The following SLC9A9 variants were observed in gnomAD, a reference collection of about 807,000 sequenced individuals.
The protein encoded by SLC9A9 is solute carrier family 9 member A9, also known as sodium/hydrogen exchanger 9.
A neutral mutation model predicts 77.8 loss-of-function variants in SLC9A9; 62 were observed. The observed-to-expected ratio is 0.80, with a 90% CI of 0.65 to 0.98. The LOEUF is 0.98. SLC9A9 is among the 50% of genes least tolerant of loss of function. The probability of loss-of-function intolerance (pLI) is 0.00; values close to 1 mark genes in which losing one functional copy is unlikely to be tolerated. For missense variants in SLC9A9, 775 were observed against 774.9 expected (o/e 1.00, Z 0.00); for synonymous variants, 320 against 283.5 (o/e 1.13, Z -1.29).
chr3:143,456,759 T>G (rs1400340047), intron 12 of SLC9A9, among the ~76,000 whole-genome samples: 1 of 151,912 alleles, frequency 6.6e-6, no homozygotes. Flanking sequence ...GAGACGGAGT[T>G]TCACCATCTT....
intron 12 of SLC9A9, among the ~76,000 whole-genome samples, chr3:143,417,610 T>A (rs1245063924): frequency 6.6e-6 from 1 of 151,624 alleles, no homozygotes; most frequent in Admixed American, 6.6e-5. Flanking sequence ...TCTCTCCACA[T>A]GGAAGCACCA....
At chr3:143,293,680 C>A (rs2030118607) in intron 14 of SLC9A9, among the ~76,000 whole-genome samples, 1 of 152,176 alleles carries the variant, frequency 6.6e-6, no homozygotes, top group African/African-American at 2.4e-5. Context: ...TACTGTCAAT[C>A]ACAGCTTATC....
Position 143,668,551 on chromosome 3 carries a change from A to C in SLC9A9, c.650-16191T>G, listed in dbSNP as rs376386571. Among the ~76,000 whole-genome samples the C allele has an allele frequency of 4.6e-5, 7 of 152,106 alleles. No homozygotes were observed. In the East Asian group the frequency reaches 1.2e-3, roughly 25 times the overall value. ...ACCTCCCAATAAATAGCCTATAAAC[A>C]CTTTCACTTCCTTTTTTGAATAGAA... On this transcript the variant is annotated intron_variant, in intron 5 of 15. Transcript: ENST00000316549.
intron 8 of SLC9A9, among the ~76,000 whole-genome samples, chr3:143,554,913 C>A (rs929441501): frequency 8.5e-5 from 13 of 152,198 alleles, no homozygotes; most frequent in African/African-American, 3.1e-4. Context: ...CCACTCTGTA[C>A]AAATTGTTCA....
intron 4 of SLC9A9, among the ~76,000 whole-genome samples, chr3:143,742,539 T>C (rs548776915): frequency 1.3e-5 from 2 of 152,264 alleles, no homozygotes; most frequent in South Asian, 2.1e-4. Context: ...ATCTGACCAG[T>C]AGTCCTAAAA....
At chr3:143,807,031 C>A (rs1337343990) in intron 2 of SLC9A9, among the ~76,000 whole-genome samples, 2 of 152,116 alleles carry the variant, frequency 1.3e-5, no homozygotes, top group Non-Finnish European at 2.9e-5. Flanking sequence ...TACTGGCTCT[C>A]CGAGGAAGTG....
intron 2 of SLC9A9, among the ~76,000 whole-genome samples, chr3:143,812,429 C>T (rs904087936): frequency 6.6e-6 from 1 of 152,132 alleles, no homozygotes; most frequent in African/African-American, 2.4e-5. Flanking sequence ...GGAAACTGCT[C>T]GCCTATGAAA....
chr3:143,556,170 G>C (rs1292916811), intron 8 of SLC9A9, among the ~76,000 whole-genome samples: 1 of 152,154 alleles, frequency 6.6e-6, no homozygotes, highest in Non-Finnish European at 1.5e-5. Context: ...CCATGCCTGA[G>C]TCCTAATTGT....
Position 143,832,093 on chromosome 3 carries a change from A to G in SLC9A9, c.304T>C (p.Tyr102His), listed in dbSNP as rs754220109. ...TLLVNITDQV[Y>H]EYKYKREISQ... is the part of the protein sequence containing the mutation. Reference sequence around the variant, plus strand: ...ATTTCTCTTTTGTATTTATATTCATAAACTTGGTCAGTGATATTAACCAGC... The same window carrying G: ...ATTTCTCTTTTGTATTTATATTCATGAACTTGGTCAGTGATATTAACCAGC... The change falls in exon 2 of 16, where the codon TAT (tyrosine) becomes CAT (histidine). Residue 102 changes from tyrosine (Y) to histidine (H), a missense_variant. By Grantham distance (83) the Tyr-to-His change is moderately conservative (BLOSUM62 2). Transcript: ENST00000316549. The G allele has an allele frequency of 2.5e-6, 4 of 1,613,232 alleles. No individual in the cohort carries two copies. The East Asian group carries it at 8.9e-5, about 36-fold the overall frequency.
At position 143,287,798 on chromosome 3, in the gene SLC9A9, A is replaced by G. The variant is rs571958349; in HGVS notation, c.1605-18818T>C. On this transcript the variant is annotated intron_variant, in intron 14 of 15. Coordinates refer to ENST00000316549, the MANE Select transcript of SLC9A9 (RefSeq NM_173653.4). ...AGGAATGGCCGGGGTGAAGAGGAGC[A>G]TTCACATGAAGTGAACTGCAAAGGG... Among the ~76,000 whole-genome samples, 5 of 152,344 alleles carry G rather than the reference A, an allele frequency of 3.3e-5. No homozygotes were observed. The South Asian group carries it at 1.0e-3, about 32-fold the overall frequency.
At chr3:143,459,276 T>A (rs2035148480) in intron 12 of SLC9A9, among the ~76,000 whole-genome samples, 1 of 152,116 alleles carries the variant, frequency 6.6e-6, no homozygotes, top group Non-Finnish European at 1.5e-5. Flanking sequence ...CTGGATCTTG[T>A]GAGACATTAA....
chr3:143,703,115 A>G (rs970508413), intron 4 of SLC9A9, among the ~76,000 whole-genome samples: 2 of 152,112 alleles, frequency 1.3e-5, no homozygotes, highest in Admixed American at 6.6e-5. Context: ...CCCCAATACA[A>G]TAATAGCTGG....
At chr3:143,757,583 C>T (rs1378828051) in intron 4 of SLC9A9, among the ~76,000 whole-genome samples, 3 of 152,088 alleles carry the variant, frequency 2.0e-5, no homozygotes, top group African/African-American at 7.2e-5. Flanking sequence ...ATGCCTGACT[C>T]TCCCAGGTAC....
intron 5 of SLC9A9, among the ~76,000 whole-genome samples, chr3:143,687,469 G>T (rs1473933816): frequency 6.6e-6 from 1 of 152,074 alleles, no homozygotes; most frequent in Non-Finnish European, 1.5e-5. Context: ...ATAACAATTA[G>T]TTCCCAGTAA....
chr3:143,423,604 A>G (rs1034930604), intron 12 of SLC9A9, among the ~76,000 whole-genome samples: 3 of 152,256 alleles, frequency 2.0e-5, no homozygotes, highest in Non-Finnish European at 4.4e-5. Flanking sequence ...TACAAATGAA[A>G]GTCCATTTAA....
intron 6 of SLC9A9, among the ~76,000 whole-genome samples, chr3:143,635,021 C>T (rs1030528489): frequency 3.2e-4 from 49 of 152,090 alleles, no homozygotes; most frequent in African/African-American, 1.2e-3. Flanking sequence ...CACCCCACAA[C>T]TGAGTGACTT....
intron 12 of SLC9A9, among the ~76,000 whole-genome samples, chr3:143,432,869 C>T (rs1208484242): frequency 6.6e-5 from 10 of 152,172 alleles, no homozygotes; most frequent in Admixed American, 6.5e-4. Context: ...CTCATGATCC[C>T]CCCACCTTGG....
At chr3:143,509,793 A>G (rs2036085722) in intron 9 of SLC9A9, among the ~76,000 whole-genome samples, 1 of 152,184 alleles carries the variant, frequency 6.6e-6, no homozygotes, top group Non-Finnish European at 1.5e-5. Flanking sequence ...AAAATTATAT[A>G]CATATATATG....
In SLC9A9 at chr3:143,827,636, C is replaced by T. The variant is rs191252821; in HGVS notation, c.378+4383G>A. ...GTTCTGTCTCTAAGCACGTCAATGC[C>T]TAACCATCCCAGAAATACACGTGCT... On this transcript the variant is annotated intron_variant, in intron 2 of 15. Coordinates refer to ENST00000316549, the MANE Select transcript of SLC9A9 (RefSeq NM_173653.4). 2.7e-3 allele frequency among the ~76,000 whole-genome samples: 407 copies of T among 152,280 alleles called. 1 individual carries two copies. Among genetic ancestry groups the T allele is most frequent in the African/African-American group, 9.3e-3 (388 of 41,552 alleles).
Sources: gnomAD v4.1 joint callset for allele counts (sites outside exome capture counted in the v4.1 genomes callset) on GRCh38, gnomAD v4.1.1 for gene constraint, MANE v1.5 for transcripts, NCBI Gene and HGNC (gene_info 2026-07-23, HGNC 2026-07-21) for gene names.